The following ZFAT variants were observed in gnomAD, a reference collection of about 807,000 sequenced individuals.
The protein encoded by ZFAT is zinc finger and AT-hook domain containing.
A neutral mutation model predicts 117.7 loss-of-function variants in ZFAT; 64 were observed. The ratio of observed to expected loss-of-function variants is 0.54; its 90% CI spans 0.44 to 0.67. The LOEUF (loss-of-function observed/expected upper bound fraction) is 0.67. Among genes scored for constraint, ZFAT ranks in the 30% least tolerant of loss-of-function variants. ZFAT has a pLI of 0.00. For missense variants in ZFAT, 1,433 were observed against 1,584.5 expected, an observed-to-expected ratio of 0.90 and a Z score of 1.62; for synonymous variants, 679 against 615.0, an observed-to-expected ratio of 1.10 and a Z score of -1.54.
intron 2 of ZFAT, among the ~76,000 whole-genome samples, chr8:134,644,807 G>T (rs11166650): frequency 6.6e-6 from 1 of 150,842 alleles, no homozygotes; most frequent in Non-Finnish European, 1.5e-5. Flanking sequence ...ATGCACACTC[G>T]CATGCGCACA....
intron 11 of ZFAT, among the ~76,000 whole-genome samples, chr8:134,538,464 T>C (rs2130610089): frequency 6.6e-6 from 1 of 152,274 alleles, no homozygotes; most frequent in Non-Finnish European, 1.5e-5. Context: ...TTGGGTCATG[T>C]TCCTTTTTCC....
At chr8:134,725,945 A>G in the ZFAT span, among the ~76,000 whole-genome samples, 9 of 152,280 alleles carry the variant, frequency 5.9e-5, no homozygotes, top group South Asian at 1.0e-3. Flanking sequence ...CATTCTATCA[A>G]TGAATTAATT....
intron 11 of ZFAT, among the ~76,000 whole-genome samples, chr8:134,563,440 T>G (rs1824196393): frequency 6.6e-6 from 1 of 152,186 alleles, no homozygotes; most frequent in Non-Finnish European, 1.5e-5. Flanking sequence ...CCTCCGAGCC[T>G]CCCTCTGACA....
chr8:134,602,214 T>C lies in ZFAT; in HGVS notation c.1505A>G (p.Glu502Gly). The C allele has an allele frequency of 6.2e-7, 1 of 1,613,628 alleles. No individual in the cohort carries two copies. The highest frequency in any genetic ancestry group is 8.5e-7 in the Non-Finnish European group (1 of 1,180,012). Residue 502 changes from glutamate (E) to glycine (G), a missense_variant, in exon 6 of 16, where the codon GAA (glutamate) becomes GGA (glycine). By Grantham distance (98) the Glu-to-Gly change is moderately conservative (BLOSUM62 -2). This residue lies in a region of ZFAT where 372 missense variants were observed against 355.6 expected (regional missense o/e 1.05). Coordinates refer to ENST00000377838, the MANE Select transcript of ZFAT (RefSeq NM_020863.4). ...SSINQSFCLL[E>G]PGGDIQQEAL... ...TTCTTGCTGGATGTCCCCACCAGGTTCCAGGAGGCAGAAGCTCTGGTTGAT... is the reference window on the plus strand; with the variant it reads ...TTCTTGCTGGATGTCCCCACCAGGTCCCAGGAGGCAGAAGCTCTGGTTGAT...
At chr8:134,499,920 G>T (rs917340657) in intron 15 of ZFAT, among the ~76,000 whole-genome samples, 1 of 152,318 alleles carries the variant, frequency 6.6e-6, no homozygotes, top group Non-Finnish European at 1.5e-5. Flanking sequence ...TGGATAGGAG[G>T]AGTAGGAAGG....
At chr8:134,766,912 G>A in the ZFAT span, 1 of 152,182 alleles carries the variant, frequency 6.6e-6, no homozygotes, top group African/African-American at 2.4e-5. Context: ...ACTACTGAAC[G>A]CTCAACTGCT....
intron 11 of ZFAT, among the ~76,000 whole-genome samples, chr8:134,555,692 AAAAAGAAAAAGAAAAAAG>A (rs1823527956): frequency 1.3e-5 from 2 of 152,094 alleles, no homozygotes; most frequent in South Asian, 4.1e-4. Context: ...CTGCAGGGAA[AAAAAGAAAAAGAAAAAAG>A]AAAAGAAAAA....
chr8:134,622,014 C>G (rs934011715), intron 3 of ZFAT, among the ~76,000 whole-genome samples: 1 of 152,214 alleles, frequency 6.6e-6, no homozygotes, highest in Non-Finnish European at 1.5e-5. Context: ...CTGTAAGGTT[C>G]ACATGAGGGA....
intron 5 of ZFAT, among the ~76,000 whole-genome samples, chr8:134,603,177 A>G (rs1016799469): frequency 6.6e-6 from 1 of 152,186 alleles, no homozygotes; most frequent in Non-Finnish European, 1.5e-5. Context: ...ACAGCGTGGT[A>G]TGTATTGATA....
chr8:134,819,193 C>G, the ZFAT span, among the ~76,000 whole-genome samples: 5 of 150,500 alleles, frequency 3.3e-5, no homozygotes, highest in African/African-American at 9.8e-5. Flanking sequence ...AAACTGCTAA[C>G]AGATAACCTA....
At chr8:134,832,056 C>T in the ZFAT span, among the ~76,000 whole-genome samples, 8 of 149,638 alleles carry the variant, frequency 5.3e-5, no homozygotes, top group Non-Finnish European at 1.5e-5. Flanking sequence ...CCCAGCGCCC[C>T]GCGCCCCGAG....
intron 11 of ZFAT, among the ~76,000 whole-genome samples, chr8:134,550,310 G>GAAAAAAAAAA (rs10680896): frequency 0.076 from 5,478 of 72,074 alleles, 735 homozygotes; most frequent in South Asian, 0.14. Flanking sequence ...GGTCACAACG[G>GAAAAAAAAAA]AAAAAAAAAA....
chr8:134,637,790 G>C, intron 2 of ZFAT, 78 bp from the exon 3 acceptor site: 1 of 1,527,718 alleles, frequency 6.5e-7, no homozygotes, highest in Non-Finnish European at 8.8e-7. Context: ...CCAAGTGTGA[G>C]GATATGTTCA....
intron 3 of ZFAT, among the ~76,000 whole-genome samples, chr8:134,615,036 G>A (rs1449399331): frequency 3.3e-5 from 5 of 152,114 alleles, no homozygotes; most frequent in Non-Finnish European, 5.9e-5. Context: ...AAAAGAGCAG[G>A]GGACAGAACA....
chr8:134,623,363 ACCCAGTCTCTACTCATG>A (rs1021880268), intron 3 of ZFAT, among the ~76,000 whole-genome samples: 2 of 152,060 alleles, frequency 1.3e-5, no homozygotes, highest in Non-Finnish European at 2.9e-5. Context: ...TTCTGCTTCC[ACCCAGTCTCTACTCATG>A]CCCCTCCTCC....
At position 134,616,166 on chromosome 8, in the gene ZFAT, C is replaced by G. The variant is rs192610316; in HGVS notation, c.449-5511G>C. Among the ~76,000 whole-genome samples the G allele has an allele frequency of 2.0e-5, 3 of 152,336 alleles. No homozygotes were observed. In the East Asian group the frequency reaches 5.8e-4, roughly 29 times the overall value. ...ACTCCTGTACAAGCCATGCTCCTCA[C>G]AGCCCTGAACCCAGCTCTCTCAACA... is the stretch of plus-strand genomic sequence containing the variant. On this transcript the variant is annotated intron_variant, in intron 3 of 15. Coordinates refer to ENST00000377838, the MANE Select transcript of ZFAT (RefSeq NM_020863.4).
chr8:134,822,557 A>AT, the ZFAT span, among the ~76,000 whole-genome samples: 1 of 152,140 alleles, frequency 6.6e-6, no homozygotes, highest in Non-Finnish European at 1.5e-5. Context: ...TATAATGAAA[A>AT]TTTTTTAAGT....
At chr8:134,827,766 TAAAA>T in the ZFAT span, among the ~76,000 whole-genome samples, 1 of 114,728 alleles carries the variant, frequency 8.7e-6, no homozygotes, top group South Asian at 2.7e-4. Flanking sequence ...AGACTCTGTC[TAAAA>T]AAAAAAAAAA....
chr8:134,807,685 C>T, the ZFAT span, among the ~76,000 whole-genome samples: 1 of 150,020 alleles, frequency 6.7e-6, no homozygotes, highest in Non-Finnish European at 1.5e-5. Context: ...AGAAACCGAC[C>T]ATGGAGCAGA....
Sources: gnomAD v4.1 joint callset for allele counts (sites outside exome capture counted in the v4.1 genomes callset) on GRCh38, gnomAD v4.1.1 for gene constraint, gnomAD v4.1.1 regional missense constraint, MANE v1.5 for transcripts, NCBI Gene and HGNC (gene_info 2026-07-23, HGNC 2026-07-21) for gene names.